IL1RAPL2: variants seen among roughly 807,000 people sequenced by gnomAD.
IL1RAPL2 encodes the protein interleukin 1 receptor accessory protein like 2.
IL1RAPL2 carries 3 observed loss-of-function variants against 44.1 expected under a neutral mutation model. That is an observed-to-expected ratio of 0.07 (90% CI 0.03 to 0.18). The LOEUF is 0.18. Among genes scored for constraint, IL1RAPL2 ranks in the 10% least tolerant of loss-of-function variants. The pLI is 1.00. For missense variants in IL1RAPL2, 391 were observed against 496.4 expected, an observed-to-expected ratio of 0.79 and a Z score of 2.02; for synonymous variants, 181 against 178.8, an observed-to-expected ratio of 1.01 and a Z score of -0.10.
intron 2 of IL1RAPL2, among the ~76,000 whole-genome samples, chrX:105,059,666 G>A (rs2032047484): frequency 9.0e-6 from 1 of 111,079 alleles, no homozygotes; most frequent in South Asian, 3.9e-4. Flanking sequence ...GAGTAGCTTG[G>A]ATTACAGGTG....
intron 2 of IL1RAPL2, among the ~76,000 whole-genome samples, chrX:104,973,668 ATTTTC>A (rs2030278913): frequency 2.7e-5 from 3 of 111,910 alleles, no homozygotes; most frequent in Non-Finnish European, 3.8e-5. Flanking sequence ...ATTATAAACA[ATTTTC>A]TTTTAGTTAC....
intron 2 of IL1RAPL2, among the ~76,000 whole-genome samples, chrX:104,810,446 A>T (rs1185848110): frequency 9.0e-6 from 1 of 111,482 alleles, no homozygotes; most frequent in Non-Finnish European, 1.9e-5. Context: ...AAATGTGAGC[A>T]GAAATAATAT....
chrX:104,672,303 G>A (rs1482968350), intron 2 of IL1RAPL2, among the ~76,000 whole-genome samples: 1 of 109,999 alleles, frequency 9.1e-6, no homozygotes, highest in Non-Finnish European at 1.9e-5. Context: ...GTGTCCATGT[G>A]ATCTCATTGT....
intron 2 of IL1RAPL2, among the ~76,000 whole-genome samples, chrX:104,685,958 A>ATAAC (rs1316464797): frequency 3.6e-5 from 4 of 109,692 alleles, no homozygotes; most frequent in African/African-American, 1.3e-4. Context: ...AAATAAATAA[A>ATAAC]TAAATAATAA....
intron 1 of IL1RAPL2, among the ~76,000 whole-genome samples, chrX:104,598,092 T>C (rs969023149): frequency 8.9e-6 from 1 of 112,342 alleles, no homozygotes; most frequent in Non-Finnish European, 1.9e-5. Context: ...CAAAGAGTTA[T>C]AGTTGTATAG....
intron 5 of IL1RAPL2, among the ~76,000 whole-genome samples, chrX:105,294,891 G>A (rs371996107): frequency 4.5e-5 from 5 of 111,727 alleles, no homozygotes; most frequent in African/African-American, 1.6e-4. Context: ...ACACCCTATA[G>A]TTCTGTGTGT....
At chrX:104,853,084 T>C (rs909366920) in intron 2 of IL1RAPL2, among the ~76,000 whole-genome samples, 2 of 111,901 alleles carry the variant, frequency 1.8e-5, no homozygotes, top group Non-Finnish European at 3.8e-5. Context: ...CTAAAGACAG[T>C]AGTTAAATGT....
At chrX:105,031,278 A>G (rs2031488690) in intron 2 of IL1RAPL2, among the ~76,000 whole-genome samples, 2 of 107,004 alleles carry the variant, frequency 1.9e-5, no homozygotes, top group African/African-American at 3.4e-5. Flanking sequence ...TTCCAACACT[A>G]TGTTGAATAG....
intron 2 of IL1RAPL2, among the ~76,000 whole-genome samples, chrX:104,925,908 A>G (rs1465257142): frequency 8.9e-6 from 1 of 112,109 alleles, no homozygotes. Context: ...AAGTCAAACT[A>G]TCCCTTTTTG....
chrX:104,754,127 T>C, intron 2 of IL1RAPL2, among the ~76,000 whole-genome samples: 1 of 111,575 alleles, frequency 9.0e-6, no homozygotes, highest in Non-Finnish European at 1.9e-5. Context: ...TCTGTCCTTT[T>C]TGCCAATTGC....
intron 6 of IL1RAPL2, among the ~76,000 whole-genome samples, chrX:105,588,114 CTTAT>C (rs2037142447): frequency 9.0e-6 from 1 of 110,876 alleles, no homozygotes; most frequent in African/African-American, 3.3e-5. Context: ...TATTTTATAT[CTTAT>C]TTATTATTCT....
intron 9 of IL1RAPL2, among the ~76,000 whole-genome samples, chrX:105,751,490 T>C (rs921659187): frequency 2.7e-5 from 3 of 111,509 alleles, no homozygotes; most frequent in Non-Finnish European, 5.7e-5. Context: ...TTTATGCTGA[T>C]ATGATATAAT....
chrX:105,220,640 T>C (rs1556180666), intron 3 of IL1RAPL2: 1 of 319,938 alleles, frequency 3.1e-6, no homozygotes, highest in Non-Finnish European at 5.5e-6. Context: ...CCCGCTGTCT[T>C]AACACGCCCG....
Position 104,580,211 on chromosome X carries a change from C to T in IL1RAPL2, c.-20+13160C>T, listed in dbSNP as rs192244473. ...CATTGGTCCATTGTATTATTTTCTT[C>T]CCCCAGTACTTTCTGGCTTCTTACA... On this transcript the variant is annotated intron_variant, in intron 1 of 10. Transcript: ENST00000372582. Among the ~76,000 whole-genome samples the T allele has an allele frequency of 3.9e-3, 441 of 112,586 alleles. 3 individuals carry two copies. The highest frequency in any genetic ancestry group is 0.013 in the African/African-American group (410 of 31,051).
At chrX:104,739,903 G>A (rs1932074674) in intron 2 of IL1RAPL2, among the ~76,000 whole-genome samples, 1 of 111,173 alleles carries the variant, frequency 9.0e-6, no homozygotes, top group Admixed American at 9.6e-5. Context: ...ATCTAATTAG[G>A]TCATGTAATG....
intron 1 of IL1RAPL2, among the ~76,000 whole-genome samples, chrX:104,582,626 TTCTTTCTTTCTTTCTC>T (rs1569487475): frequency 1.7e-3 from 111 of 63,936 alleles, no homozygotes; most frequent in African/African-American, 6.6e-3. Context: ...CTTTCTTTCT[TTCTTTCTTTCTTTCTC>T]TCTTTCTTTC....
chrX:105,344,660 G>T (rs1051120893), intron 5 of IL1RAPL2, among the ~76,000 whole-genome samples: 1 of 111,467 alleles, frequency 9.0e-6, no homozygotes, highest in Non-Finnish European at 1.9e-5. Context: ...CTTTACTTAA[G>T]AATTGAAGTG....
intron 2 of IL1RAPL2, among the ~76,000 whole-genome samples, chrX:105,188,255 G>T (rs1556135129): frequency 9.0e-6 from 1 of 110,838 alleles, no homozygotes; most frequent in African/African-American, 3.3e-5. Context: ...ATTTGGTAGG[G>T]GAGAGAAGCT....
intron 7 of IL1RAPL2, among the ~76,000 whole-genome samples, chrX:105,726,122 T>C (rs910133283): frequency 9.0e-6 from 1 of 111,588 alleles, no homozygotes; most frequent in Non-Finnish European, 1.9e-5. Context: ...TGTGTTGGGT[T>C]GTAAGCTACT....
Sources: allele counts gnomAD v4.1 joint callset (sites outside exome capture counted in the v4.1 genomes callset), GRCh38; gene constraint gnomAD v4.1.1; transcripts MANE v1.5; gene names NCBI Gene and HGNC (gene_info 2026-07-23, HGNC 2026-07-21).